IL12RB2: variants seen among roughly 807,000 people sequenced by gnomAD.
IL12RB2 encodes interleukin-12 receptor subunit beta-2.
Under a neutral mutation model 89.4 loss-of-function variants are expected in IL12RB2, and 82 were observed. That is an observed-to-expected ratio of 0.92 (90% CI 0.77 to 1.10). The LOEUF is 1.10. IL12RB2 is among the 50% of genes least tolerant of loss of function. IL12RB2 has a pLI of 0.00. For missense variants in IL12RB2, 963 were observed against 1,031.9 expected, an observed-to-expected ratio of 0.93 and a Z score of 0.92; for synonymous variants, 368 against 370.1, an observed-to-expected ratio of 0.99 and a Z score of 0.07.
At chr1:67,335,927 T>C (rs1658702525) in intron 8 of IL12RB2, among the ~76,000 whole-genome samples, 1 of 152,210 alleles carries the variant, frequency 6.6e-6, no homozygotes, top group Non-Finnish European at 1.5e-5. Flanking sequence ...AAGAATATAA[T>C]TCTAGAATTT....
intron 5 of IL12RB2, among the ~76,000 whole-genome samples, chr1:67,327,974 T>C (rs1174978997): frequency 1.3e-5 from 2 of 152,180 alleles, no homozygotes; most frequent in South Asian, 2.1e-4. Context: ...CCTATCTACA[T>C]GAATGTGGAA....
chr1:67,325,742 T>A (rs1657194784), intron 4 of IL12RB2, among the ~76,000 whole-genome samples: 1 of 152,218 alleles, frequency 6.6e-6, no homozygotes, highest in Non-Finnish European at 1.5e-5. Flanking sequence ...ATTTAATCAA[T>A]AACAGATTTT....
intron 13 of IL12RB2, among the ~76,000 whole-genome samples, chr1:67,375,327 A>G (rs1025871902): frequency 6.6e-6 from 1 of 152,196 alleles, no homozygotes; most frequent in African/African-American, 2.4e-5. Context: ...CCCAAGAGGC[A>G]GAGATTGCAG....
intron 14 of IL12RB2, among the ~76,000 whole-genome samples, chr1:67,384,068 T>C (rs190979654): frequency 4.6e-5 from 7 of 152,346 alleles, no homozygotes; most frequent in African/African-American, 1.7e-4. Flanking sequence ...GTGGCCCTCT[T>C]TTCACAGTTC....
chr1:67,311,957 C>G (rs1205468028), intron 1 of IL12RB2, among the ~76,000 whole-genome samples: 2 of 152,040 alleles, frequency 1.3e-5, no homozygotes, highest in African/African-American at 4.8e-5. Flanking sequence ...TTTGCAATAC[C>G]CAAGATCCAA....
At chr1:67,339,288 A>G (rs1439019159) in intron 9 of IL12RB2, among the ~76,000 whole-genome samples, 1 of 152,090 alleles carries the variant, frequency 6.6e-6, no homozygotes, top group Non-Finnish European at 1.5e-5. Flanking sequence ...GGGGTTAGAG[A>G]CCAGCCTGGC....
chr1:67,363,859 AT>A (rs1662389435), intron 10 of IL12RB2, among the ~76,000 whole-genome samples: 1 of 152,272 alleles, frequency 6.6e-6, no homozygotes, highest in Non-Finnish European at 1.5e-5. Context: ...AGAAAATGAA[AT>A]CATATAAACT....
At chr1:67,319,777 C>T (rs1472691134) in intron 2 of IL12RB2, among the ~76,000 whole-genome samples, 1 of 152,110 alleles carries the variant, frequency 6.6e-6, no homozygotes, top group Non-Finnish European at 1.5e-5. Flanking sequence ...TGTTAAAATC[C>T]TAACTCTCAA....
intron 3 of IL12RB2, among the ~76,000 whole-genome samples, chr1:67,320,729 C>CT (rs1335785669): frequency 3.3e-5 from 5 of 152,042 alleles, no homozygotes; most frequent in Admixed American, 1.3e-4. Context: ...GCACATTTTT[C>CT]TTTTTTTTCT....
intron 10 of IL12RB2, among the ~76,000 whole-genome samples, chr1:67,362,572 C>CAAAAAAAAAAAAAAAAA (rs956277979): frequency 4.6e-5 from 2 of 43,310 alleles, no homozygotes; most frequent in Non-Finnish European, 8.6e-5. Flanking sequence ...GACTCCGTCT[C>CAAAAAAAAAAAAAAAAA]AAAAAAAAAA....
chr1:67,310,967 C>T (rs1654976249), intron 1 of IL12RB2, among the ~76,000 whole-genome samples: 3 of 152,172 alleles, frequency 2.0e-5, no homozygotes, highest in Admixed American at 2.0e-4. Context: ...TCGTGATCTG[C>T]CCGCCTCAGC....
At chr1:67,370,990 C>T (rs757375035) in intron 11 of IL12RB2, among the ~76,000 whole-genome samples, 2 of 152,226 alleles carry the variant, frequency 1.3e-5, no homozygotes, top group Admixed American at 6.5e-5. Flanking sequence ...GTCTGCCTAA[C>T]GAGCTCATCT....
At chr1:67,323,321 A>G (rs1164649343) in intron 4 of IL12RB2, among the ~76,000 whole-genome samples, 1 of 152,236 alleles carries the variant, frequency 6.6e-6, no homozygotes, top group African/African-American at 2.4e-5. Context: ...TACTCTCAGC[A>G]TTGACAGCCT....
intron 1 of IL12RB2, among the ~76,000 whole-genome samples, chr1:67,311,216 G>A (rs971439949): frequency 5.9e-5 from 9 of 152,170 alleles, no homozygotes; most frequent in African/African-American, 1.9e-4. Flanking sequence ...GGTGATGAGC[G>A]TAAACATGGT....
rs756346500 is a variant in IL12RB2, at chr1:67,321,651, A to G, written c.126A>G (p.Leu42=). Residue 42 remains leucine (L), a synonymous_variant, in exon 4 of 17, where the codon TTA becomes TTG. Coordinates refer to ENST00000674203, the MANE Select transcript of IL12RB2 (RefSeq NM_001374259.2). ...DVTVKPSHVI[L]LGSTVNITCS... is the part of the protein sequence containing the mutation. ...CTGTGAAGCCTTCCCATGTAATTTT[A>G]CTTGGATCCACTGTCAATATTACAT... 6.2e-7 allele frequency: 1 copy of G among 1,602,080 alleles called. No homozygotes were observed. Among genetic ancestry groups the G allele is most frequent in the Non-Finnish European group, 8.6e-7 (1 of 1,169,054 alleles).
At chr1:67,385,778 C>G (rs1346922848) in intron 14 of IL12RB2, among the ~76,000 whole-genome samples, 1 of 152,248 alleles carries the variant, frequency 6.6e-6, no homozygotes, top group Non-Finnish European at 1.5e-5. Flanking sequence ...TTATGCTATA[C>G]TTTGCTAAAA....
At chr1:67,315,210 T>C (rs1419790659) in intron 2 of IL12RB2, among the ~76,000 whole-genome samples, 2 of 152,054 alleles carry the variant, frequency 1.3e-5, no homozygotes, top group Non-Finnish European at 2.9e-5. Context: ...AATATACACA[T>C]ATATTTTAAC....
intron 4 of IL12RB2, among the ~76,000 whole-genome samples, 158 bp downstream of exon 4, chr1:67,322,047 A>G (rs886452075): frequency 2.6e-5 from 4 of 152,030 alleles, no homozygotes; most frequent in South Asian, 2.1e-4. Flanking sequence ...GAGAGCTTCA[A>G]TGTGAGTTCA....
At chr1:67,349,298 C>G (rs1053016324) in intron 9 of IL12RB2, among the ~76,000 whole-genome samples, 1 of 152,056 alleles carries the variant, frequency 6.6e-6, no homozygotes, top group Non-Finnish European at 1.5e-5. Context: ...TGGGAAGTAC[C>G]TTAGGGTTGG....
Sources: gnomAD v4.1 joint callset for allele counts (sites outside exome capture counted in the v4.1 genomes callset) on GRCh38, gnomAD v4.1.1 for gene constraint, MANE v1.5 for transcripts, NCBI Gene and HGNC (gene_info 2026-07-23, HGNC 2026-07-21) for gene names.